Variants in RIMBP2 observed in about 807,000 individuals in gnomAD.
RIMBP2 encodes RIMS-binding protein 2.
A neutral mutation model predicts 118.6 loss-of-function variants in RIMBP2; 48 were observed. That is an observed-to-expected ratio of 0.40 (90% CI 0.32 to 0.51). The LOEUF (loss-of-function observed/expected upper bound fraction) is 0.51. Ranked by LOEUF, RIMBP2 falls within the 20% of genes least tolerant of loss-of-function variation. The pLI is 0.41. For synonymous variants in RIMBP2, 762 were observed against 742.9 expected, an observed-to-expected ratio of 1.03 and a Z score of -0.42; for missense variants, 1,551 against 1,768.3, an observed-to-expected ratio of 0.88 and a Z score of 2.20.
rs386378269 is a variant in RIMBP2, at chr12:130,610,551, C to CTTTTTTTTT, written c.-217+17762_-217+17770dup. Among the ~76,000 whole-genome samples, 60 of 81,568 alleles carry CTTTTTTTTT rather than the reference C, an allele frequency of 7.4e-4. 8 individuals are homozygous for CTTTTTTTTT. The highest frequency in any genetic ancestry group is 2.6e-3 in the African/African-American group (57 of 21,582). The allele number at this position is 81,568 out of a possible 152,430, so 53.5% of individuals were successfully genotyped here. On this transcript the variant is annotated intron_variant, in intron 2 of 22. Transcript: ENST00000690449. ...GTGACTCATCAAAGTAATTTTCCTG[C>CTTTTTTTTT]TTTTTTTTTTTTTTTTTTTTTTTTT...
intron 1 of RIMBP2, among the ~76,000 whole-genome samples, chr12:130,711,956 T>C (rs1356292522): frequency 1.3e-5 from 2 of 152,236 alleles, no homozygotes; most frequent in Non-Finnish European, 2.9e-5. Flanking sequence ...CTGTACTGAG[T>C]ACTGTAGGCC....
At chr12:130,455,730 C>T (rs1445159242) in intron 7 of RIMBP2, among the ~76,000 whole-genome samples, 2 of 152,126 alleles carry the variant, frequency 1.3e-5, no homozygotes, top group African/African-American at 4.8e-5. Context: ...TACAGAATTC[C>T]AAAGTGAGGT....
chr12:130,440,638 G>A (rs2137136037), intron 11 of RIMBP2, among the ~76,000 whole-genome samples: 1 of 152,338 alleles, frequency 6.6e-6, no homozygotes, highest in East Asian at 1.9e-4. Context: ...AGGCATCGCG[G>A]GAGGCGTCAG....
chr12:130,637,857 C>T (rs753640524), intron 1 of RIMBP2, among the ~76,000 whole-genome samples: 8 of 152,110 alleles, frequency 5.3e-5, no homozygotes, highest in African/African-American at 1.2e-4. Flanking sequence ...TGGGTCCTGC[C>T]GGCTTTACTG....
rs1013133621 is a variant in RIMBP2, at chr12:130,456,820, G to A, written c.154-120C>T. On this transcript the variant is annotated intron_variant, in intron 6 of 22. Transcript: ENST00000690449. ...GCACTGTGTGCACGTGTGTACACAC[G>A]TGTTGTGTCTGTGAAAATGCATGTG... The A allele has an allele frequency of 6.9e-5, 48 of 698,654 alleles. No individual in the cohort carries two copies. The Admixed American group carries it at 7.7e-4, about 11-fold the overall frequency. 43.3% of individuals were successfully genotyped at this position (698,654 alleles called of 1,614,324 possible). A position where few individuals can be genotyped will look rare whatever the true frequency, so the allele number is the denominator to read the frequency against.
intron 5 of RIMBP2, among the ~76,000 whole-genome samples, chr12:130,473,290 G>A (rs559239072): frequency 2.0e-5 from 3 of 152,238 alleles, no homozygotes; most frequent in East Asian, 1.9e-4. Flanking sequence ...GGGAAAGTGC[G>A]ACCTTTACGG....
chr12:130,438,443 T>A lies in RIMBP2; in HGVS notation c.1578A>T (p.Arg526Ser), dbSNP rs1190288945. The A allele has an allele frequency of 6.2e-7, 1 of 1,609,050 alleles. No individual in the cohort carries two copies. The highest frequency in any genetic ancestry group is 1.4e-5 in the African/African-American group (1 of 73,206). The part of the protein sequence containing the change: ...VTPATIRVSW[R>S]PPVLTPTGLS... ...GCCCGGTGGGCGTCAGCACAGGTGG[T>A]CTCCAGGAGACCCGGATGGTGGCGG... The change falls in exon 12 of 23, where the codon AGA (arginine) becomes AGT (serine). Residue 526 changes from arginine to serine, a missense_variant. Arg to Ser is a moderately radical substitution (Grantham distance 110). Transcript: ENST00000690449.
At chr12:130,603,320 T>C (rs941781918) in intron 2 of RIMBP2, among the ~76,000 whole-genome samples, 8 of 152,162 alleles carry the variant, frequency 5.3e-5, no homozygotes, top group Non-Finnish European at 8.8e-5. Flanking sequence ...GAAGTCTCTG[T>C]TGAAATAGAA....
chr12:130,535,344 TAA>T (rs529240633), intron 2 of RIMBP2, among the ~76,000 whole-genome samples: 11 of 128,552 alleles, frequency 8.6e-5, no homozygotes, highest in African/African-American at 2.8e-4. Context: ...ACTAAAAAAT[TAA>T]AAAAAAAAAT....
intron 17 of RIMBP2, among the ~76,000 whole-genome samples, chr12:130,417,895 TG>T (rs748255258): frequency 6.6e-6 from 1 of 152,080 alleles, no homozygotes; most frequent in Non-Finnish European, 1.5e-5. Context: ...CAGATAATAT[TG>T]GTCTGATCAT....
At chr12:130,675,993 AG>A (rs1463997089) in intron 1 of RIMBP2, among the ~76,000 whole-genome samples, 1 of 152,220 alleles carries the variant, frequency 6.6e-6, no homozygotes, top group African/African-American at 2.4e-5. Flanking sequence ...GCGCGCCATA[AG>A]GGGCTGAAGA....
rs192251930 is a variant in RIMBP2 at position 130,590,928 on chromosome 12, C to T, written c.-217+37394G>A. 8.6e-4 allele frequency among the ~76,000 whole-genome samples: 131 copies of T among 152,282 alleles called. 1 individual carries two copies. Among genetic ancestry groups the T allele is most frequent in the African/African-American group, 3.0e-3 (125 of 41,564 alleles). ...TTCCGTGAGGAAGCGGATTGTCGCC[C>T]CAGAGCAAGTGCAGCCAGGGGAAAG... On this transcript the variant is annotated intron_variant, in intron 2 of 22. Coordinates refer to ENST00000690449, the MANE Select transcript of RIMBP2 (RefSeq NM_001393629.1).
chr12:130,410,178 T>C (rs920883123), intron 19 of RIMBP2, among the ~76,000 whole-genome samples: 1 of 152,218 alleles, frequency 6.6e-6, no homozygotes, highest in Non-Finnish European at 1.5e-5. Flanking sequence ...GCCACCCACA[T>C]ATCGTCTTTG....
chr12:130,638,195 T>C (rs192131245), intron 1 of RIMBP2, among the ~76,000 whole-genome samples: 2 of 152,156 alleles, frequency 1.3e-5, no homozygotes, highest in African/African-American at 4.8e-5. Context: ...TGTTTGGGAA[T>C]AGACACCGAT....
chr12:130,481,408 G>A (rs1392541289), intron 4 of RIMBP2, among the ~76,000 whole-genome samples: 1 of 152,122 alleles, frequency 6.6e-6, no homozygotes, highest in Admixed American at 6.5e-5. Context: ...AAAAAGTGAA[G>A]TCTTCCTCCC....
At chr12:130,547,242 G>A (rs1210958385) in intron 2 of RIMBP2, among the ~76,000 whole-genome samples, 1 of 152,150 alleles carries the variant, frequency 6.6e-6, no homozygotes, top group East Asian at 1.9e-4. Context: ...CTTTAAGTGT[G>A]CATACGCTCA....
chr12:130,546,296 T>C (rs2055158770), intron 2 of RIMBP2, among the ~76,000 whole-genome samples: 1 of 151,608 alleles, frequency 6.6e-6, no homozygotes, highest in Middle Eastern at 3.4e-3. Context: ...TGTTAGTTAG[T>C]TAATTAGTTA....
chr12:130,459,343 C>T (rs1053159581), intron 6 of RIMBP2, among the ~76,000 whole-genome samples: 1 of 151,876 alleles, frequency 6.6e-6, no homozygotes, highest in African/African-American at 2.4e-5. Context: ...AATTCCCCAG[C>T]ATGCTACAGT....
chr12:130,644,622 A>T (rs1317301416), intron 1 of RIMBP2, among the ~76,000 whole-genome samples: 1 of 152,204 alleles, frequency 6.6e-6, no homozygotes, highest in Non-Finnish European at 1.5e-5. Context: ...AAAGCCCAGG[A>T]ATTACGGGAG....
Sources: allele counts gnomAD v4.1 joint callset (sites outside exome capture counted in the v4.1 genomes callset), GRCh38; gene constraint gnomAD v4.1.1; transcripts MANE v1.5; gene names NCBI Gene and HGNC (gene_info 2026-07-23, HGNC 2026-07-21).